SREK1IP1: variants seen among roughly 807,000 people sequenced by gnomAD.
SREK1IP1 encodes SREK1 interacting protein 1.
A neutral mutation model predicts 22.8 loss-of-function variants in SREK1IP1; 12 were observed. That is an observed-to-expected ratio of 0.53 (90% CI 0.34 to 0.85). The LOEUF (loss-of-function observed/expected upper bound fraction) is 0.85. Ranked by LOEUF, SREK1IP1 falls within the 40% of genes least tolerant of loss-of-function variation. The pLI is 0.02. For synonymous variants in SREK1IP1, 53 were observed against 52.7 expected (o/e 1.01, Z -0.02); for missense variants, 147 against 171.8 (o/e 0.86, Z 0.81).
In SREK1IP1 at chr5:64,768,489, T is replaced by C. The variant is rs763785709; in HGVS notation, c.13+16A>G. On this transcript the variant is annotated intron_variant, in intron 1 of 4. Coordinates refer to ENST00000513458, the MANE Select transcript of SREK1IP1 (RefSeq NM_173829.4). ...CTTCGGAGCTCGGACGCAGAGGCCC[T>C]GTAATTGCTCCTTACCTGGGACTGC... is the stretch of plus-strand genomic sequence containing the variant. 4 of 1,614,008 alleles carry C rather than the reference T, an allele frequency of 2.5e-6. No homozygotes were observed. Among genetic ancestry groups the C allele is most frequent in the Non-Finnish European group, 3.4e-6 (4 of 1,180,000 alleles).
intron 1 of SREK1IP1, among the ~76,000 whole-genome samples, chr5:64,760,248 A>G (rs1483490093): frequency 6.6e-6 from 1 of 152,266 alleles, no homozygotes; most frequent in Non-Finnish European, 1.5e-5. Context: ...AGAAGATGAT[A>G]GAGCAGGAGC....
At chr5:64,766,456 C>T (rs1374509670) in intron 1 of SREK1IP1, among the ~76,000 whole-genome samples, 2 of 152,230 alleles carry the variant, frequency 1.3e-5, no homozygotes, top group Non-Finnish European at 2.9e-5. Context: ...CCACTTCTCT[C>T]CTTACCTATT....
chr5:64,766,398 T>A (rs915037560), intron 1 of SREK1IP1, among the ~76,000 whole-genome samples: 5 of 152,122 alleles, frequency 3.3e-5, no homozygotes, highest in African/African-American at 1.2e-4. Flanking sequence ...ACTGAATCAA[T>A]CACCAACTCC....
chr5:64,746,057 G>A (rs187752613), intron 2 of SREK1IP1, among the ~76,000 whole-genome samples: 3 of 152,280 alleles, frequency 2.0e-5, no homozygotes. Flanking sequence ...TGAAAGTCCA[G>A]AAATAAACCC....
chr5:64,738,908 G>A (rs1295222785), intron 3 of SREK1IP1, among the ~76,000 whole-genome samples: 1 of 152,074 alleles, frequency 6.6e-6, no homozygotes, highest in Non-Finnish European at 1.5e-5. Flanking sequence ...TTCTGACTTG[G>A]ATATAATTTC....
intron 3 of SREK1IP1, among the ~76,000 whole-genome samples, chr5:64,737,908 TA>T (rs1742492807): frequency 6.6e-6 from 1 of 152,086 alleles, no homozygotes; most frequent in Non-Finnish European, 1.5e-5. Context: ...AACAGACCAG[TA>T]ACAAGTAAAG....
At chr5:64,724,934 A>G (rs1034645702) in intron 4 of SREK1IP1, among the ~76,000 whole-genome samples, 6 of 152,186 alleles carry the variant, frequency 3.9e-5, no homozygotes, top group Non-Finnish European at 2.9e-5. Context: ...TCACTTGTGT[A>G]TACAATAACT....
chr5:64,743,763 T>C (rs1471951794), intron 2 of SREK1IP1, among the ~76,000 whole-genome samples: 1 of 152,224 alleles, frequency 6.6e-6, no homozygotes, highest in Non-Finnish European at 1.5e-5. Flanking sequence ...CTTTTTAGTT[T>C]ATTGTTCGTG....
intron 1 of SREK1IP1, among the ~76,000 whole-genome samples, chr5:64,768,211 GC>G (rs1292499584): frequency 1.3e-5 from 2 of 152,050 alleles, no homozygotes; most frequent in African/African-American, 2.4e-5. Flanking sequence ...TCGGCCGCTT[GC>G]CCCCTTAGGC....
intron 2 of SREK1IP1, among the ~76,000 whole-genome samples, chr5:64,744,563 C>T (rs937834000): frequency 2.6e-5 from 4 of 151,980 alleles, no homozygotes; most frequent in Admixed American, 1.3e-4. Context: ...GTTTATTATT[C>T]GTTGGGTAAT....
At chr5:64,750,791 T>C (rs1446542788) in intron 2 of SREK1IP1, among the ~76,000 whole-genome samples, 2 of 152,198 alleles carry the variant, frequency 1.3e-5, no homozygotes, top group Non-Finnish European at 2.9e-5. Flanking sequence ...ACTTCAGAGG[T>C]ATCCTTGTCA....
chr5:64,752,423 T>C (rs979323056), intron 2 of SREK1IP1, among the ~76,000 whole-genome samples: 9 of 152,138 alleles, frequency 5.9e-5, no homozygotes, highest in African/African-American at 1.9e-4. Flanking sequence ...AGTGCTGGGA[T>C]TACAGGCGTG....
chr5:64,747,787 G>T (rs1473682423), intron 2 of SREK1IP1, among the ~76,000 whole-genome samples: 1 of 152,142 alleles, frequency 6.6e-6, no homozygotes, highest in South Asian at 2.1e-4. Flanking sequence ...AAGTAGCCGG[G>T]CATGGTGGCA....
At chr5:64,725,958 C>A (rs1038324822) in intron 4 of SREK1IP1, among the ~76,000 whole-genome samples, 1 of 150,826 alleles carries the variant, frequency 6.6e-6, no homozygotes, top group African/African-American at 2.4e-5. Flanking sequence ...TCCGCTCCCC[C>A]GAGTTCAAGC....
At chr5:64,730,027 T>C (rs1742349892) in intron 3 of SREK1IP1, among the ~76,000 whole-genome samples, 1 of 151,998 alleles carries the variant, frequency 6.6e-6, no homozygotes, top group Non-Finnish European at 1.5e-5. Flanking sequence ...AAGAGAATGA[T>C]GAGAAAAAAA....
chr5:64,727,553 A>ATATATATATTTT, intron 4 of SREK1IP1: 1 of 84,716 alleles, frequency 1.2e-5, no homozygotes, highest in African/African-American at 5.5e-5. Flanking sequence ...ATATATATAT[A>ATATATATATTTT]TTTTTTTTTT....
At chr5:64,750,660 T>C (rs1742725937) in intron 2 of SREK1IP1, among the ~76,000 whole-genome samples, 1 of 152,170 alleles carries the variant, frequency 6.6e-6, no homozygotes, top group Non-Finnish European at 1.5e-5. Context: ...TCAAACTCCC[T>C]ACCTAAGGAG....
chr5:64,754,184 C>A, intron 2 of SREK1IP1, 131 bp downstream of exon 2: 1 of 770,836 alleles, frequency 1.3e-6, no homozygotes, highest in Non-Finnish European at 2.1e-6. Context: ...ATTTCTGTAA[C>A]TAGATGTTAG....
At chr5:64,749,718 G>T (rs1742708552) in intron 2 of SREK1IP1, among the ~76,000 whole-genome samples, 1 of 152,142 alleles carries the variant, frequency 6.6e-6, no homozygotes, top group African/African-American at 2.4e-5. Context: ...TAGGATTACA[G>T]GCATGAGCCA....
Sources: allele counts gnomAD v4.1 joint callset (sites outside exome capture counted in the v4.1 genomes callset), GRCh38; gene constraint gnomAD v4.1.1; transcripts MANE v1.5; gene names NCBI Gene and HGNC (gene_info 2026-07-23, HGNC 2026-07-21).